Variants in CORO2B observed in about 807,000 individuals in gnomAD.
CORO2B encodes coronin 2B.
A neutral mutation model predicts 58.8 loss-of-function variants in CORO2B; 26 were observed. That is an observed-to-expected ratio of 0.44 (90% CI 0.32 to 0.61). The LOEUF (loss-of-function observed/expected upper bound fraction) is 0.61. Among genes scored for constraint, CORO2B ranks in the 20% least tolerant of loss-of-function variants. The probability of loss-of-function intolerance (pLI) is 0.04; values close to 1 mark genes in which losing one functional copy is unlikely to be tolerated. For missense variants in CORO2B, 460 were observed against 645.1 expected, an observed-to-expected ratio of 0.71 and a Z score of 3.11; for synonymous variants, 242 against 253.8, an observed-to-expected ratio of 0.95 and a Z score of 0.44.
intron 1 of CORO2B, among the ~76,000 whole-genome samples, chr15:68,605,386 A>C (rs1369238354): frequency 6.6e-6 from 1 of 152,232 alleles, no homozygotes; most frequent in Admixed American, 6.5e-5. Context: ...CTATGCATCA[A>C]GATGCTCATC....
the CORO2B span, among the ~76,000 whole-genome samples, chr15:68,568,281 C>T: frequency 6.6e-6 from 1 of 152,042 alleles, no homozygotes; most frequent in Admixed American, 6.5e-5. Flanking sequence ...CCCCCATCCC[C>T]ACAACAATGC....
chr15:68,632,469 G>T, intron 1 of CORO2B: 1 of 975,374 alleles, frequency 1.0e-6, no homozygotes, highest in Non-Finnish European at 1.2e-6. Flanking sequence ...CAACAATTCT[G>T]GCTCTTAAGA....
intron 11 of CORO2B, among the ~76,000 whole-genome samples, chr15:68,722,930 G>A (rs1018742906): frequency 2.0e-5 from 3 of 151,818 alleles, no homozygotes; most frequent in Admixed American, 2.0e-4. Context: ...AGCCAGGTGT[G>A]GTGGCGCACG....
chr15:68,610,333 C>G (rs1489712295), intron 1 of CORO2B, among the ~76,000 whole-genome samples: 1 of 152,146 alleles, frequency 6.6e-6, no homozygotes, highest in Admixed American at 6.5e-5. Context: ...CTGCACTTGC[C>G]TCAAGGCCTA....
In CORO2B at chr15:68,691,254, C is replaced by T. The variant is rs1001892857; in HGVS notation, c.217-3886C>T. On this transcript the variant is annotated intron_variant, in intron 2 of 11. Coordinates refer to ENST00000261861, the MANE Select transcript of CORO2B (RefSeq NM_006091.5). ...TGAGGCAGGAGAATGGCGTGAACCC[C>T]GGGGGGCAGAGCTTGCAGTGAGCCG... is the stretch of plus-strand genomic sequence containing the variant. Among the ~76,000 whole-genome samples, 10 of 147,106 alleles carry T rather than the reference C, an allele frequency of 6.8e-5. No homozygotes were observed. In the East Asian group the frequency reaches 1.0e-3, roughly 15 times the overall value.
At chr15:68,558,245 T>G in the CORO2B span, among the ~76,000 whole-genome samples, 733 of 152,172 alleles carry the variant, frequency 4.8e-3, 4 homozygotes, top group African/African-American at 0.016. Flanking sequence ...CATCTCTACA[T>G]CCAAGCCCAG....
intron 1 of CORO2B, among the ~76,000 whole-genome samples, chr15:68,629,287 A>G (rs1255031887): frequency 6.6e-6 from 1 of 152,252 alleles, no homozygotes; most frequent in East Asian, 1.9e-4. Flanking sequence ...TGTGGTTGTC[A>G]GAGTTGTGCC....
At chr15:68,719,053 G>A (rs2140333647) in intron 9 of CORO2B, 91 bp from the exon 10 acceptor site, 2 of 1,069,790 alleles carry the variant, frequency 1.9e-6, no homozygotes, top group Non-Finnish European at 2.9e-6. Context: ...CAGGTAGAGT[G>A]ACTGGAGATC....
In CORO2B at chr15:68,702,821, C is replaced by CTTTTTTTTTT. The variant is rs113249272; in HGVS notation, c.333+7579_333+7588dup. Among the ~76,000 whole-genome samples the CTTTTTTTTTT allele has an allele frequency of 2.7e-4, 26 of 96,250 alleles. 1 individual carries two copies. Among genetic ancestry groups the CTTTTTTTTTT allele is most frequent in the South Asian group, 6.8e-4 (2 of 2,932 alleles). 63.1% of individuals were successfully genotyped at this position (96,250 alleles called of 152,430 possible). A position where few individuals can be genotyped will look rare whatever the true frequency, so the allele number is the denominator to read the frequency against. On this transcript the variant is annotated intron_variant, in intron 3 of 11. Coordinates refer to ENST00000261861, the MANE Select transcript of CORO2B (RefSeq NM_006091.5). Reference sequence around the variant, plus strand: ...ACCATATCTTTTTCTTTTTCTTTTTCTTTTTTTTTTTTTTTTTTTTTTTGA... The same window carrying CTTTTTTTTTT: ...ACCATATCTTTTTCTTTTTCTTTTTCTTTTTTTTTTTTTTTTTTTTTTTTTTTTTTTTTGA...
chr15:68,646,562 G>A (rs1901435714), intron 2 of CORO2B, among the ~76,000 whole-genome samples: 1 of 152,234 alleles, frequency 6.6e-6, no homozygotes, highest in Non-Finnish European at 1.5e-5. Flanking sequence ...TGAGGACAGA[G>A]CCTGATGCAC....
At chr15:68,723,171 G>T (rs1397589260) in intron 11 of CORO2B, among the ~76,000 whole-genome samples, 3 of 149,608 alleles carry the variant, frequency 2.0e-5, no homozygotes, top group Admixed American at 1.3e-4. Context: ...ACCCAGGCTG[G>T]GGTACAATGG....
At chr15:68,591,804 G>A (rs1899713605) in intron 1 of CORO2B, among the ~76,000 whole-genome samples, 1 of 152,206 alleles carries the variant, frequency 6.6e-6, no homozygotes, top group African/African-American at 2.4e-5. Context: ...TCTAAGGGTT[G>A]AGAACATAGG....
chr15:68,529,801 A>G, the CORO2B span, among the ~76,000 whole-genome samples: 1 of 152,204 alleles, frequency 6.6e-6, no homozygotes, highest in Non-Finnish European at 1.5e-5. Context: ...TATATTTCTC[A>G]TTAATCACCA....
chr15:68,533,704 G>T, the CORO2B span, among the ~76,000 whole-genome samples: 1 of 152,192 alleles, frequency 6.6e-6, no homozygotes, highest in African/African-American at 2.4e-5. Context: ...TTAAAAATCA[G>T]TGTCTTAAAC....
chr15:68,644,113 G>A (rs1036940081), intron 1 of CORO2B, among the ~76,000 whole-genome samples: 1 of 152,180 alleles, frequency 6.6e-6, no homozygotes, highest in Non-Finnish European at 1.5e-5. Flanking sequence ...AGGATATGCT[G>A]TAATAACAAA....
intron 9 of CORO2B, 56 bp downstream of exon 9, chr15:68,718,866 C>T (rs1893094781): frequency 2.1e-6 from 3 of 1,418,036 alleles, no homozygotes; most frequent in Non-Finnish European, 2.0e-6. Context: ...TCTTAGCCTG[C>T]TCACCACTGA....
At chr15:68,544,922 G>A in the CORO2B span, among the ~76,000 whole-genome samples, 15 of 152,026 alleles carry the variant, frequency 9.9e-5, no homozygotes, top group South Asian at 2.1e-4. Flanking sequence ...GACTACAGGC[G>A]CCCACCATCA....
chr15:68,557,939 C>A, the CORO2B span, among the ~76,000 whole-genome samples: 1 of 152,194 alleles, frequency 6.6e-6, no homozygotes, highest in African/African-American at 2.4e-5. Context: ...TATATTACGT[C>A]TGTCCAGTTA....
At chr15:68,627,542 G>A (rs1341969911) in intron 1 of CORO2B, among the ~76,000 whole-genome samples, 2 of 152,158 alleles carry the variant, frequency 1.3e-5, no homozygotes, top group South Asian at 2.1e-4. Flanking sequence ...AGGTAACCAC[G>A]TGCCTGGGAC....
Sources: gnomAD v4.1 joint callset for allele counts (sites outside exome capture counted in the v4.1 genomes callset) on GRCh38, gnomAD v4.1.1 for gene constraint, MANE v1.5 for transcripts, NCBI Gene and HGNC (gene_info 2026-07-23, HGNC 2026-07-21) for gene names.